Variants in MAML3 observed in about 807,000 individuals in gnomAD.
MAML3 encodes mastermind-like protein 3.
A neutral mutation model predicts 101.9 loss-of-function variants in MAML3; 27 were observed. The observed-to-expected ratio is 0.27, with a 90% CI of 0.20 to 0.37. MAML3 has a LOEUF of 0.37. Among genes scored for constraint, MAML3 ranks in the 10% least tolerant of loss-of-function variants. The pLI is 1.00. For synonymous variants in MAML3, 501 were observed against 555.9 expected (o/e 0.90, Z 1.39); for missense variants, 1,316 against 1,444.9 (o/e 0.91, Z 1.45).
chr4:140,007,205 A>AG (rs1726467265), intron 1 of MAML3, among the ~76,000 whole-genome samples: 1 of 152,230 alleles, frequency 6.6e-6, no homozygotes, highest in Admixed American at 6.5e-5. Context: ...GTAGAGAGAA[A>AG]AGTAAGATCT....
intron 1 of MAML3, among the ~76,000 whole-genome samples, chr4:139,989,367 A>T (rs558143856): frequency 2.8e-4 from 43 of 152,246 alleles, no homozygotes; most frequent in African/African-American, 1.0e-3. Flanking sequence ...GAAAATCAGA[A>T]CCATCGGCCT....
chr4:140,008,366 T>A (rs546716503), intron 1 of MAML3, among the ~76,000 whole-genome samples: 1 of 152,042 alleles, frequency 6.6e-6, no homozygotes, highest in Non-Finnish European at 1.5e-5. Context: ...AAAAAAAGAA[T>A]CTTTAAAAGT....
intron 1 of MAML3, among the ~76,000 whole-genome samples, chr4:140,100,641 T>C (rs1446518846): frequency 6.6e-6 from 1 of 151,428 alleles, no homozygotes; most frequent in Admixed American, 6.6e-5. Context: ...AAGTCTTAGG[T>C]GTATTAAAAA....
intron 1 of MAML3, among the ~76,000 whole-genome samples, chr4:140,078,209 A>G (rs1375822722): frequency 1.3e-5 from 2 of 152,118 alleles, no homozygotes; most frequent in Non-Finnish European, 2.9e-5. Context: ...AGAAGGCACC[A>G]TAGCTCTAGC....
chr4:140,038,511 T>C (rs753384658), intron 1 of MAML3, among the ~76,000 whole-genome samples: 4 of 152,228 alleles, frequency 2.6e-5, no homozygotes, highest in East Asian at 1.9e-4. Flanking sequence ...GGGCCAAACA[T>C]GATCACTGTT....
In MAML3 at chr4:139,719,620, G is replaced by A. The variant is rs1259063785; in HGVS notation, c.3120C>T (p.Thr1040=). ...ACATGACCATTGGCCTCGCCTGGCT[G>A]GTGCCTTGCTGCCCCGGGAGCGATG... The part of the protein sequence containing the change: ...MMPSLPGQQG[T]SQARPMVMSG... Residue 1040 remains threonine, a synonymous_variant, in exon 5 of 5, where the codon ACC becomes ACT. Coordinates refer to ENST00000509479, the MANE Select transcript of MAML3 (RefSeq NM_018717.5). 1.2e-6 allele frequency: 2 copies of A among 1,612,582 alleles called. No individual in the cohort carries two copies. The highest frequency in any genetic ancestry group is 2.2e-5 in the East Asian group (1 of 44,850).
chr4:140,007,471 T>G (rs1726470683), intron 1 of MAML3, among the ~76,000 whole-genome samples: 1 of 152,128 alleles, frequency 6.6e-6, no homozygotes, highest in African/African-American at 2.4e-5. Context: ...AAAGGAGACG[T>G]TTCTGTATTC....
chr4:140,043,992 A>G (rs1480808966), intron 1 of MAML3, among the ~76,000 whole-genome samples: 1 of 152,230 alleles, frequency 6.6e-6, no homozygotes, highest in African/African-American at 2.4e-5. Flanking sequence ...TGCTCCTGAT[A>G]AAAAGGGAAT....
At chr4:140,057,304 C>T (rs1342532189) in intron 1 of MAML3, among the ~76,000 whole-genome samples, 1 of 152,084 alleles carries the variant, frequency 6.6e-6, no homozygotes, top group Non-Finnish European at 1.5e-5. Context: ...CTAATATGGA[C>T]TCCAGGAGTA....
chr4:140,012,011 CAA>C (rs879862503), intron 1 of MAML3, among the ~76,000 whole-genome samples: 6 of 133,488 alleles, frequency 4.5e-5, no homozygotes, highest in African/African-American at 5.5e-5. Context: ...ATCTAAATCT[CAA>C]AAAAAAAAAA....
intron 4 of MAML3, among the ~76,000 whole-genome samples, chr4:139,725,055 G>A (rs1393197925): frequency 1.3e-5 from 2 of 152,116 alleles, no homozygotes; most frequent in Admixed American, 6.6e-5. Flanking sequence ...CACCGCACCC[G>A]GCCAAGGGCT....
At position 139,724,764 on chromosome 4, in the gene MAML3, C is replaced by A. The variant is rs1192181268; in HGVS notation, c.2416+987G>T. On this transcript the variant is annotated intron_variant, in intron 4 of 4. Transcript: ENST00000509479. ...GCTATTTTCTTCACCCCATATAAGACCCTCAAGGGTCTTTTTTTTTTTTTT... is the reference window on the plus strand; with the variant it reads ...GCTATTTTCTTCACCCCATATAAGAACCTCAAGGGTCTTTTTTTTTTTTTT... 2.1e-5 allele frequency among the ~76,000 whole-genome samples: 3 copies of A among 144,106 alleles called. No homozygotes were observed. The South Asian group carries it at 7.0e-4, about 34-fold the overall frequency. The allele number at this position is 144,106 out of a possible 152,430, so 94.5% of individuals were successfully genotyped here. A position where few individuals can be genotyped will look rare whatever the true frequency, so the allele number is the denominator to read the frequency against.
chr4:140,030,102 CTG>C (rs1277845059), intron 1 of MAML3, among the ~76,000 whole-genome samples: 4 of 152,146 alleles, frequency 2.6e-5, no homozygotes, highest in Non-Finnish European at 5.9e-5. Context: ...CCTGGTTTCT[CTG>C]TGTCTTATTT....
intron 2 of MAML3, among the ~76,000 whole-genome samples, chr4:139,833,713 C>T (rs904642560): frequency 1.6e-4 from 24 of 152,112 alleles, no homozygotes; most frequent in Admixed American, 6.5e-5. Flanking sequence ...AAGGGGTGGC[C>T]GCTTGAAGGT....
At chr4:139,816,600 C>T (rs795995) in intron 2 of MAML3, among the ~76,000 whole-genome samples, 132,503 of 152,094 alleles carry the variant, frequency 0.87, 57,871 homozygotes, top group African/African-American at 0.95. Context: ...AGGGCCCCCA[C>T]GGCTCAGCCC....
chr4:140,117,282 C>T (rs761578168), intron 1 of MAML3, among the ~76,000 whole-genome samples: 8 of 152,084 alleles, frequency 5.3e-5, no homozygotes, highest in African/African-American at 1.4e-4. Context: ...TATTTTCTTA[C>T]ACACTTACTA....
chr4:139,804,102 G>A (rs1185617811), intron 2 of MAML3, among the ~76,000 whole-genome samples: 1 of 152,134 alleles, frequency 6.6e-6, no homozygotes, highest in African/African-American at 2.4e-5. Flanking sequence ...TCAGCACTTT[G>A]GGCCTCAGTC....
intron 2 of MAML3, among the ~76,000 whole-genome samples, chr4:139,780,262 T>C (rs949779880): frequency 3.9e-5 from 6 of 152,162 alleles, no homozygotes; most frequent in Admixed American, 6.5e-5. Flanking sequence ...GAAAACTCAA[T>C]TGGTGCCAGG....
intron 2 of MAML3, among the ~76,000 whole-genome samples, chr4:139,889,000 G>A (rs1453841765): frequency 6.6e-6 from 1 of 152,140 alleles, no homozygotes; most frequent in Non-Finnish European, 1.5e-5. Flanking sequence ...CCAGAGCCTG[G>A]GATCATGCAA....
Sources: gnomAD v4.1 joint callset for allele counts (sites outside exome capture counted in the v4.1 genomes callset) on GRCh38, gnomAD v4.1.1 for gene constraint, MANE v1.5 for transcripts, NCBI Gene and HGNC (gene_info 2026-07-23, HGNC 2026-07-21) for gene names.